MED24: variants seen among roughly 807,000 people sequenced by gnomAD.
MED24 encodes the protein mediator of RNA polymerase II transcription subunit 24.
Under a neutral mutation model 118.8 loss-of-function variants are expected in MED24, and 74 were observed. The observed-to-expected ratio is 0.62, with a 90% CI of 0.52 to 0.76. MED24 has a LOEUF of 0.76. Ranked by LOEUF, MED24 falls within the 30% of genes least tolerant of loss-of-function variation. MED24 has a pLI of 0.00. For synonymous variants in MED24, 521 were observed against 523.9 expected (o/e 0.99, Z 0.08); for missense variants, 1,041 against 1,278.9 (o/e 0.81, Z 2.84).
chr17:40,022,133 G>C, intron 22 of MED24, 79 bp from the exon 23 acceptor site: 1 of 1,182,450 alleles, frequency 8.5e-7, no homozygotes, highest in Non-Finnish European at 1.2e-6. Flanking sequence ...CTTGAGCTCC[G>C]ATTTGAGCGA....
At chr17:40,029,665 C>T (rs1568162198) in intron 13 of MED24, 83 bp downstream of exon 13, 10 of 1,319,728 alleles carry the variant, frequency 7.6e-6, no homozygotes, top group Non-Finnish European at 1.1e-5. Context: ...AGGTCTGTGG[C>T]CTCTGTTTAT....
rs1981743030 is a variant in MED24, at chr17:40,019,915, A to T, written c.2723T>A (p.Ile908Asn). Residue 908 changes from isoleucine (I) to asparagine (N), a missense_variant, in exon 25 of 26, where the codon ATC (isoleucine) becomes AAC (asparagine). By Grantham distance (149) the Ile-to-Asn change is moderately radical. Around this residue, in one of 3 missense-constraint regions of MED24, gnomAD observed 587 missense variants for 694.4 expected, o/e 0.85. Coordinates refer to ENST00000394128, the MANE Select transcript of MED24 (RefSeq NM_014815.4). ...NRVLANLFLL[I>N]SSILGSRTAG... Reference sequence around the variant, plus strand: ...GGTGCGAGACCCCAGGATGGAGGAGATGAGCAGGAACAGGTTGGCTGTAGA... The same window carrying T: ...GGTGCGAGACCCCAGGATGGAGGAGTTGAGCAGGAACAGGTTGGCTGTAGA... 6.4e-7 allele frequency: 1 copy of T among 1,568,562 alleles called. No homozygotes were observed. The highest frequency in any genetic ancestry group is 8.7e-7 in the Non-Finnish European group (1 of 1,155,902).
At chr17:40,027,772 G>T in intron 15 of MED24, 137 bp downstream of exon 15, 1 of 955,284 alleles carries the variant, frequency 1.0e-6, no homozygotes, top group Non-Finnish European at 1.6e-6. Context: ...CTCTGTGGAA[G>T]CTTCCATTGG....
chr17:40,052,708 C>A (rs945418114), intron 3 of MED24, among the ~76,000 whole-genome samples: 4 of 152,190 alleles, frequency 2.6e-5, no homozygotes, highest in Admixed American at 6.5e-5. Flanking sequence ...CTCAAGCAAG[C>A]CTCCTACCTC....
At chr17:40,048,692 T>G (rs1184941768) in intron 3 of MED24, among the ~76,000 whole-genome samples, 1 of 152,080 alleles carries the variant, frequency 6.6e-6, no homozygotes, top group Non-Finnish European at 1.5e-5. Flanking sequence ...TAGCTGGGAT[T>G]ACAGGTGCGC....
chr17:40,035,352 A>C lies in MED24; in HGVS notation c.327-3T>G, dbSNP rs561903639. 1.9e-6 allele frequency: 3 copies of C among 1,573,478 alleles called. No homozygotes were observed. The highest frequency in any genetic ancestry group is 2.3e-5 in the South Asian group (2 of 87,072). On this transcript the variant is annotated splice_polypyrimidine_tract_variant and splice_region_variant and intron_variant, in intron 5 of 25. Coordinates refer to ENST00000394128, the MANE Select transcript of MED24 (RefSeq NM_014815.4). ...ATTCCTCTGCTTTGCCGTGACAGCT[A>C]CAGGGAAGGATGCAAAATCAGACTC... is the stretch of plus-strand genomic sequence containing the variant.
At chr17:40,050,862 C>T (rs76649326) in intron 3 of MED24, among the ~76,000 whole-genome samples, 1 of 152,140 alleles carries the variant, frequency 6.6e-6, no homozygotes, top group African/African-American at 2.4e-5. Context: ...TCTGGCTGGG[C>T]GTGGTGGCTC....
chr17:40,028,313 C>CA (rs1443108925), intron 14 of MED24, among the ~76,000 whole-genome samples: 1 of 151,978 alleles, frequency 6.6e-6, no homozygotes, highest in Non-Finnish European at 1.5e-5. Flanking sequence ...AGGGTTTCAC[C>CA]AAGTTGGCCA....
intron 4 of MED24, 84 bp downstream of exon 4, chr17:40,036,032 C>T (rs1002058254): frequency 6.3e-5 from 92 of 1,453,868 alleles, no homozygotes; most frequent in Non-Finnish European, 8.7e-5. Context: ...TATCCAGCCT[C>T]ACGGGTCACA....
At chr17:40,025,977 C>T (rs1982598487) in intron 19 of MED24, among the ~76,000 whole-genome samples, 179 bp downstream of exon 19, 1 of 152,122 alleles carries the variant, frequency 6.6e-6, no homozygotes, top group African/African-American at 2.4e-5. Flanking sequence ...AACGCTTCTG[C>T]CACAGAGACA....
At chr17:40,037,437 T>C (rs1984074098) in intron 3 of MED24, among the ~76,000 whole-genome samples, 1 of 151,714 alleles carries the variant, frequency 6.6e-6, no homozygotes, top group South Asian at 2.1e-4. Flanking sequence ...CCCACTAAAT[T>C]AGAAGCTCCT....
chr17:40,029,154 T>A (rs921277182), intron 13 of MED24, 186 bp from the exon 14 acceptor site: 6 of 777,798 alleles, frequency 7.7e-6, no homozygotes, highest in Non-Finnish European at 1.2e-5. Context: ...TACACTGGCA[T>A]GCAGGTGGTA....
At chr17:40,032,986 AG>A (rs1983554893) in intron 8 of MED24, 69 bp downstream of exon 8, 2 of 1,587,066 alleles carry the variant, frequency 1.3e-6, no homozygotes, top group Non-Finnish European at 1.7e-6. Flanking sequence ...GAGAACCAGA[AG>A]AATCCTCCCT....
chr17:40,025,836 A>G (rs1158962242), intron 19 of MED24, among the ~76,000 whole-genome samples: 1 of 152,196 alleles, frequency 6.6e-6, no homozygotes, highest in Non-Finnish European at 1.5e-5. Context: ...AAATCTACAG[A>G]CAGGTTCCTA....
chr17:40,029,926 C>T (rs1015620590), intron 12 of MED24, 67 bp from the exon 13 acceptor site: 3 of 1,422,848 alleles, frequency 2.1e-6, no homozygotes, highest in Admixed American at 1.7e-5. Context: ...CACGTTCCCT[C>T]GTTCAAGCCC....
At position 40,019,540 on chromosome 17, in the gene MED24, C is replaced by T; in HGVS notation, c.2959G>A (p.Ala987Thr). The change falls in exon 26 of 26, where the codon GCT (alanine) becomes ACT (threonine). Residue 987 changes from alanine (A) to threonine (T), a missense_variant. This residue lies in a region of MED24 where 587 missense variants were observed against 694.4 expected (regional missense o/e 0.85). Coordinates refer to ENST00000394128, the MANE Select transcript of MED24 (RefSeq NM_014815.4). The part of the protein sequence containing the change: ...LGRQVAAKAI[A>T]AL ...CCATGCCAAGCCCCTCAGAGTGCAGCAATGGCTTTAGCAGCCACCTGGCGG... is the reference window on the plus strand; with the variant it reads ...CCATGCCAAGCCCCTCAGAGTGCAGTAATGGCTTTAGCAGCCACCTGGCGG... 6.2e-7 allele frequency: 1 copy of T among 1,612,072 alleles called. No individual in the cohort carries two copies. The highest frequency in any genetic ancestry group is 8.5e-7 in the Non-Finnish European group (1 of 1,179,616).
chr17:40,031,107 C>T (rs1234552724), intron 12 of MED24, 52 bp downstream of exon 12: 2 of 1,518,972 alleles, frequency 1.3e-6, no homozygotes, highest in East Asian at 4.9e-5. Context: ...CCCACCGTAA[C>T]AAGAGAGAGG....
In MED24 at chr17:40,033,430, G is replaced by A; in HGVS notation, c.586C>T (p.Leu196Phe). The A allele has an allele frequency of 6.2e-7, 1 of 1,602,760 alleles. No individual in the cohort carries two copies. Among genetic ancestry groups the A allele is most frequent in the East Asian group, 2.2e-5 (1 of 44,466 alleles). Residue 196 changes from leucine to phenylalanine, a missense_variant, in exon 7 of 26, where the codon CTC becomes TTC. Transcript: ENST00000394128. The surrounding 1 kb of genome is among the most constrained non-coding windows in gnomAD (Gnocchi z 5.2). ...ASSWTAIEHS[L>F]LKLGEILANL... ...GCCAGGATCTCTCCAAGTTTCAAGA[G>A]AGAATGCTCGATGGCAGTCCAAGAA...
chr17:40,025,276 T>C (rs1163606353), intron 19 of MED24, among the ~76,000 whole-genome samples: 2 of 151,712 alleles, frequency 1.3e-5, no homozygotes, highest in East Asian at 3.9e-4. Flanking sequence ...AGGCCAGGAG[T>C]TCAAGACCTG....
Sources: allele counts gnomAD v4.1 joint callset (sites outside exome capture counted in the v4.1 genomes callset), GRCh38; gene constraint gnomAD v4.1.1; regional missense constraint gnomAD v4.1.1; non-coding constraint Gnocchi (gnomAD v3.1); transcripts MANE v1.5; gene names NCBI Gene and HGNC (gene_info 2026-07-23, HGNC 2026-07-21).